CHMP4B: variants seen among roughly 807,000 people sequenced by gnomAD.
The protein encoded by CHMP4B is charged multivesicular body protein 4B.
Under a neutral mutation model 25.1 loss-of-function variants are expected in CHMP4B, and 1 was observed. The observed-to-expected ratio is 0.04, with a 90% CI of 0.01 to 0.19. CHMP4B has a LOEUF of 0.19. CHMP4B is among the 10% of genes least tolerant of loss of function. The pLI, the probability that CHMP4B is intolerant of heterozygous loss-of-function variation, is 1.00. For missense variants in CHMP4B, 151 were observed against 289.7 expected (o/e 0.52, Z 3.48); for synonymous variants, 101 against 115.6 (o/e 0.87, Z 0.81).
At chr20:33,839,060 C>A (rs1288244503) in intron 1 of CHMP4B, among the ~76,000 whole-genome samples, 2 of 152,162 alleles carry the variant, frequency 1.3e-5, no homozygotes, top group Non-Finnish European at 2.9e-5. Flanking sequence ...GCTCATTGTC[C>A]CTAATAATAA....
chr20:33,818,659 G>A (rs1270264728), intron 1 of CHMP4B, among the ~76,000 whole-genome samples: 2 of 152,186 alleles, frequency 1.3e-5, no homozygotes, highest in Admixed American at 6.5e-5. Context: ...AAGGGTTGGG[G>A]CAAATCCCAG....
At chr20:33,832,047 G>T (rs1297598457) in intron 1 of CHMP4B, among the ~76,000 whole-genome samples, 1 of 152,130 alleles carries the variant, frequency 6.6e-6, no homozygotes, top group Non-Finnish European at 1.5e-5. Context: ...AGGCTGGTTG[G>T]GTTTTCCCTC....
At chr20:33,817,215 A>T (rs1978806063) in intron 1 of CHMP4B, among the ~76,000 whole-genome samples, 1 of 152,170 alleles carries the variant, frequency 6.6e-6, no homozygotes, top group South Asian at 2.1e-4. Context: ...GTGACGCTTA[A>T]GTTTCTTGTT....
rs564220726 is a variant in CHMP4B at position 33,814,667 on chromosome 20, C to G, written c.190+3009C>G. 3.3e-5 allele frequency among the ~76,000 whole-genome samples: 5 copies of G among 152,130 alleles called. No individual in the cohort carries two copies. In the East Asian group the frequency reaches 9.6e-4, roughly 29 times the overall value. The stretch of plus-strand genomic sequence containing the variant: ...TCCTTTATTTTTATTTATTCATTCA[C>G]TTTAAGCAACAGGGTCTTGCTCTGA... On this transcript the variant is annotated intron_variant, in intron 1 of 4. Coordinates refer to ENST00000217402, the MANE Select transcript of CHMP4B (RefSeq NM_176812.5).
intron 1 of CHMP4B, among the ~76,000 whole-genome samples, chr20:33,824,338 C>T (rs1040772135): frequency 6.6e-6 from 1 of 152,210 alleles, no homozygotes; most frequent in Non-Finnish European, 1.5e-5. Context: ...CACCCTGGCT[C>T]CTTCCTGTTA....
chr20:33,840,337 G>C lies in CHMP4B; in HGVS notation c.191-8130G>C, dbSNP rs138925925. ...GACACAGGCAAGGAAAGAGAGGCGGGGGGGAAACAGGCAAGACGGAGGAGA... is the reference window on the plus strand; with the variant it reads ...GACACAGGCAAGGAAAGAGAGGCGGCGGGGAAACAGGCAAGACGGAGGAGA... On this transcript the variant is annotated intron_variant, in intron 1 of 4. Transcript: ENST00000217402. Among the ~76,000 whole-genome samples the C allele has an allele frequency of 1.7e-3, 254 of 152,174 alleles. 1 individual carries two copies. The highest frequency in any genetic ancestry group is 6.0e-3 in the African/African-American group (249 of 41,504).
At position 33,853,606 on chromosome 20, in the gene CHMP4B, G is replaced by C. The variant is rs199542096; in HGVS notation, c.*46G>C. 2 of 1,534,842 alleles carry C rather than the reference G, an allele frequency of 1.3e-6. No individual in the cohort carries two copies. The highest frequency in any genetic ancestry group is 2.7e-5 in the African/African-American group (2 of 73,298). On this transcript the variant is annotated 3_prime_UTR_variant, in exon 5 of 5. Transcript: ENST00000217402. ...GCCCAGACAGACTGTGGTGGCCTGC[G>C]CAGCGAGCAGGCGTGTGCGTGTGTG...
intron 1 of CHMP4B, among the ~76,000 whole-genome samples, chr20:33,845,607 G>A (rs1268296470): frequency 6.6e-6 from 1 of 152,144 alleles, no homozygotes; most frequent in Non-Finnish European, 1.5e-5. Context: ...ACAGGCGTGA[G>A]CCAGCGTGCC....
intron 1 of CHMP4B, among the ~76,000 whole-genome samples, chr20:33,841,702 G>T (rs1291213323): frequency 6.6e-6 from 1 of 152,154 alleles, no homozygotes; most frequent in East Asian, 1.9e-4. Flanking sequence ...GAACCAGCCC[G>T]ATTAGCACCT....
intron 3 of CHMP4B, 124 bp downstream of exon 3, chr20:33,851,190 T>C: frequency 1.4e-6 from 1 of 737,852 alleles, no homozygotes. Context: ...GGCATGGTGT[T>C]AACCCTCCCT....
intron 1 of CHMP4B, among the ~76,000 whole-genome samples, chr20:33,832,650 G>T (rs13043926): frequency 6.6e-6 from 1 of 151,978 alleles, no homozygotes; most frequent in Non-Finnish European, 1.5e-5. Context: ...ACAAGGCCCT[G>T]AGGTAGTCTC....
At chr20:33,817,214 A>C (rs1489335412) in intron 1 of CHMP4B, among the ~76,000 whole-genome samples, 2 of 152,190 alleles carry the variant, frequency 1.3e-5, no homozygotes, top group African/African-American at 2.4e-5. Flanking sequence ...AGTGACGCTT[A>C]AGTTTCTTGT....
intron 1 of CHMP4B, among the ~76,000 whole-genome samples, chr20:33,814,715 T>G (rs1978733101): frequency 1.3e-5 from 2 of 152,308 alleles, no homozygotes; most frequent in Middle Eastern, 3.4e-3. Flanking sequence ...AGTGCAGTGG[T>G]GCAGTTATAG....
Position 33,853,632 on chromosome 20 carries a change from G to C in CHMP4B, c.*72G>C, listed in dbSNP as rs1227383736. 5 of 1,368,322 alleles carry C rather than the reference G, an allele frequency of 3.7e-6. No homozygotes were observed. The African/African-American group carries it at 7.2e-5, about 20-fold the overall frequency. 84.8% of individuals were successfully genotyped at this position (1,368,322 alleles called of 1,614,324 possible). On this transcript the variant is annotated 3_prime_UTR_variant, in exon 5 of 5. Coordinates refer to ENST00000217402, the MANE Select transcript of CHMP4B (RefSeq NM_176812.5). ...CAGCGAGCAGGCGTGTGCGTGTGTG[G>C]GGCAGGCAGGATGTGGTGCAGGCAG... is the stretch of plus-strand genomic sequence containing the variant.
rs1430193547 is a variant in CHMP4B at position 33,811,483 on chromosome 20, G to A, written c.15G>A (p.Gly5=). 6.4e-7 allele frequency: 1 copy of A among 1,571,942 alleles called. No individual in the cohort carries two copies. Among genetic ancestry groups the A allele is most frequent in the Non-Finnish European group, 8.6e-7 (1 of 1,157,116 alleles). The stretch of plus-strand genomic sequence containing the variant: ...GAGCAGCAACCATGTCGGTGTTCGG[G>A]AAGCTGTTCGGGGCTGGAGGGGGTA... MSVF[G]KLFGAGGGKA... The change falls in exon 1 of 5, where the codon GGG becomes GGA. Residue 5 remains glycine, a synonymous_variant. Coordinates refer to ENST00000217402, the MANE Select transcript of CHMP4B (RefSeq NM_176812.5).
At chr20:33,843,871 A>G (rs1161988899) in intron 1 of CHMP4B, among the ~76,000 whole-genome samples, 1 of 152,226 alleles carries the variant, frequency 6.6e-6, no homozygotes, top group Non-Finnish European at 1.5e-5. Flanking sequence ...GTCTATTTTC[A>G]AGGTAACTTT....
chr20:33,831,386 G>A (rs1194113974), intron 1 of CHMP4B, among the ~76,000 whole-genome samples: 2 of 147,206 alleles, frequency 1.4e-5, no homozygotes, highest in Admixed American at 6.7e-5. Flanking sequence ...GCACCCGGCC[G>A]TCCAGCTAAG....
intron 1 of CHMP4B, among the ~76,000 whole-genome samples, chr20:33,817,999 A>G (rs1978829056): frequency 6.6e-6 from 1 of 152,208 alleles, no homozygotes; most frequent in South Asian, 2.1e-4. Flanking sequence ...GTACCTTGGT[A>G]GTTACTTATA....
intron 1 of CHMP4B, among the ~76,000 whole-genome samples, chr20:33,834,304 T>TTATTTG (rs1204131383): frequency 3.9e-5 from 6 of 152,114 alleles, no homozygotes; most frequent in Non-Finnish European, 8.8e-5. Flanking sequence ...TGTTTGCCCT[T>TTATTTG]TATTTGTATT....
Sources: allele counts gnomAD v4.1 joint callset (sites outside exome capture counted in the v4.1 genomes callset), GRCh38; gene constraint gnomAD v4.1.1; transcripts MANE v1.5; gene names NCBI Gene and HGNC (gene_info 2026-07-23, HGNC 2026-07-21).